Variants in GFOD1 observed in about 807,000 individuals in gnomAD.
GFOD1 encodes Gfo/Idh/MocA-like oxidoreductase domain containing 1.
Under a neutral mutation model 25.4 loss-of-function variants are expected in GFOD1, and 9 were observed. The ratio of observed to expected loss-of-function variants is 0.35; its 90% CI spans 0.21 to 0.62. GFOD1 has a LOEUF of 0.62. GFOD1 is among the 20% of genes least tolerant of loss of function. The probability of loss-of-function intolerance (pLI) is 0.72; values close to 1 mark genes in which losing one functional copy is unlikely to be tolerated. For missense variants in GFOD1, 403 were observed against 556.9 expected, an observed-to-expected ratio of 0.72 and a Z score of 2.78; for synonymous variants, 253 against 245.6, an observed-to-expected ratio of 1.03 and a Z score of -0.28.
chr6:13,360,965 C>T lies in GFOD1; in HGVS notation c.*3778G>A, dbSNP rs1400675270. The T allele has an allele frequency of 2.4e-6, 1 of 414,162 alleles. No individual in the cohort carries two copies. The highest frequency in any genetic ancestry group is 2.0e-5 in the African/African-American group (1 of 49,040). The allele number at this position is 414,162 out of a possible 1,614,324, so 25.7% of individuals were successfully genotyped here. A position where few individuals can be genotyped will look rare whatever the true frequency, so the allele number is the denominator to read the frequency against. ...ACAGTTGTGTGACTTTGAACAAGTT[C>T]CTCTTCCTCTTACTGCCTCCATTTT... is the stretch of plus-strand genomic sequence containing the variant. On this transcript the variant is annotated 3_prime_UTR_variant, in exon 2 of 2. Transcript: ENST00000379287.
intron 1 of GFOD1, among the ~76,000 whole-genome samples, chr6:13,475,244 A>G (rs1758591208): frequency 6.6e-6 from 1 of 152,180 alleles, no homozygotes; most frequent in South Asian, 2.1e-4. Context: ...TCCTAACAAG[A>G]TACTTCTACA....
In GFOD1 at chr6:13,365,927, C is replaced by A. The variant is rs1361110950; in HGVS notation, c.254-265G>T. ...TAATAATAATAATAATAATAATGAG[C>A]CGGGCGTGGTGGTGCACGCCTGTGG... On this transcript the variant is annotated intron_variant, in intron 1 of 1. Coordinates refer to ENST00000379287, the MANE Select transcript of GFOD1 (RefSeq NM_018988.4). The surrounding 1 kb of genome is among the most constrained non-coding windows in gnomAD (Gnocchi z 9.2). 6.9e-6 allele frequency among the ~76,000 whole-genome samples: 1 copy of A among 143,990 alleles called. No individual in the cohort carries two copies. The highest frequency in any genetic ancestry group is 2.6e-5 in the African/African-American group (1 of 38,822). 94.5% of individuals were successfully genotyped at this position (143,990 alleles called of 152,430 possible). A position where few individuals can be genotyped will look rare whatever the true frequency, so the allele number is the denominator to read the frequency against.
chr6:13,423,938 A>G (rs1786307396), intron 1 of GFOD1, among the ~76,000 whole-genome samples: 1 of 152,118 alleles, frequency 6.6e-6, no homozygotes, highest in Non-Finnish European at 1.5e-5. Context: ...GGCTCACCAC[A>G]ACCTCTGCCT....
chr6:13,466,936 A>G (rs964868722), intron 1 of GFOD1, among the ~76,000 whole-genome samples: 2 of 150,858 alleles, frequency 1.3e-5, no homozygotes, highest in African/African-American at 4.8e-5. Flanking sequence ...ACACATACAC[A>G]TATGCACACA....
At chr6:13,485,345 A>G (rs1229935919) in intron 1 of GFOD1, among the ~76,000 whole-genome samples, 1 of 152,238 alleles carries the variant, frequency 6.6e-6, no homozygotes, top group Middle Eastern at 3.2e-3. Context: ...AACAAATAAA[A>G]CAGTCTTTCC....
At chr6:13,484,851 T>C (rs2115063) in intron 1 of GFOD1, among the ~76,000 whole-genome samples, 92,782 of 152,168 alleles carry the variant, frequency 0.61, 32,372 homozygotes, top group South Asian at 0.75. Flanking sequence ...GCCATCTTTA[T>C]GGTGGAGAAA....
In GFOD1 at chr6:13,487,125, C is replaced by T; in HGVS notation, c.-235G>A. 1 of 486,444 alleles carries T rather than the reference C, an allele frequency of 2.1e-6. No individual in the cohort carries two copies. The highest frequency in any genetic ancestry group is 3.6e-6 in the Non-Finnish European group (1 of 281,224). 30.1% of individuals were successfully genotyped at this position (486,444 alleles called of 1,614,324 possible). A position where few individuals can be genotyped will look rare whatever the true frequency, so the allele number is the denominator to read the frequency against. On this transcript the variant is annotated 5_prime_UTR_variant, in exon 1 of 2. Transcript: ENST00000379287. The surrounding 1 kb of genome is among the most constrained non-coding windows in gnomAD (Gnocchi z 4.9). ...GGCAGTGTCCGCCACGCGGGGCTCGCGTCCTTCCCGGAGTCGGCGGCAGGG... is the reference window on the plus strand; with the variant it reads ...GGCAGTGTCCGCCACGCGGGGCTCGTGTCCTTCCCGGAGTCGGCGGCAGGG...
At chr6:13,455,202 G>T (rs1448623835) in intron 1 of GFOD1, among the ~76,000 whole-genome samples, 2 of 152,134 alleles carry the variant, frequency 1.3e-5, no homozygotes, top group African/African-American at 4.8e-5. Flanking sequence ...CTGGCAGTGA[G>T]CAATACACCC....
rs952321447 is a variant in GFOD1, at chr6:13,487,023, G to A, written c.-133C>T. 13 of 1,144,598 alleles carry A rather than the reference G, an allele frequency of 1.1e-5. No individual in the cohort carries two copies. The highest frequency in any genetic ancestry group is 1.6e-5 in the Non-Finnish European group (13 of 828,004). 70.9% of individuals were successfully genotyped at this position (1,144,598 alleles called of 1,614,324 possible). A position where few individuals can be genotyped will look rare whatever the true frequency, so the allele number is the denominator to read the frequency against. On this transcript the variant is annotated 5_prime_UTR_variant, in exon 1 of 2. Coordinates refer to ENST00000379287, the MANE Select transcript of GFOD1 (RefSeq NM_018988.4). The surrounding 1 kb of genome is among the most constrained non-coding windows in gnomAD (Gnocchi z 4.9). ...CGCGGTGCGCCAGCCGCCGTGCACC[G>A]GGCAAGGCGCCCGGGTGCCCAGAGC...
intron 1 of GFOD1, among the ~76,000 whole-genome samples, chr6:13,388,840 GA>G: frequency 6.6e-6 from 1 of 151,966 alleles, no homozygotes; most frequent in South Asian, 2.1e-4. Context: ...TACAGAATGG[GA>G]AAAAATTTTT....
intron 1 of GFOD1, among the ~76,000 whole-genome samples, chr6:13,439,853 A>G (rs1584652815): frequency 6.6e-6 from 1 of 152,202 alleles, no homozygotes; most frequent in East Asian, 1.9e-4. Context: ...ATTCACCCCT[A>G]GAGACTGTTA....
intron 1 of GFOD1, among the ~76,000 whole-genome samples, chr6:13,392,141 C>T (rs974109672): frequency 7.2e-5 from 11 of 151,872 alleles, no homozygotes; most frequent in Admixed American, 2.0e-4. Context: ...GTGGACAGAT[C>T]CCTTGGCCCA....
At chr6:13,458,947 C>A (rs1318126629) in intron 1 of GFOD1, among the ~76,000 whole-genome samples, 1 of 152,004 alleles carries the variant, frequency 6.6e-6, no homozygotes, top group Non-Finnish European at 1.5e-5. Flanking sequence ...AAGGCACATG[C>A]AGAAAGGATC....
chr6:13,380,518 A>T lies in GFOD1; in HGVS notation c.254-14856T>A, dbSNP rs188512547. Among the ~76,000 whole-genome samples, 44 of 152,294 alleles carry T rather than the reference A, an allele frequency of 2.9e-4. No homozygotes were observed. In the East Asian group the frequency reaches 7.9e-3, roughly 27 times the overall value. The stretch of plus-strand genomic sequence containing the variant: ...GATGGGGTGCTGGCGGGAGCAGCTT[A>T]GCGAATGTCAAGTTCAATTTATGAC... On this transcript the variant is annotated intron_variant, in intron 1 of 1. Coordinates refer to ENST00000379287, the MANE Select transcript of GFOD1 (RefSeq NM_018988.4).
intron 1 of GFOD1, among the ~76,000 whole-genome samples, chr6:13,421,485 C>A (rs1417099931): frequency 6.6e-6 from 1 of 152,008 alleles, no homozygotes; most frequent in Non-Finnish European, 1.5e-5. Context: ...CAAAGTGAGA[C>A]CCTGTCTCAA....
intron 1 of GFOD1, among the ~76,000 whole-genome samples, chr6:13,386,764 C>G (rs1248491069): frequency 6.6e-6 from 1 of 152,160 alleles, no homozygotes; most frequent in African/African-American, 2.4e-5. Context: ...ACTCAGCCAC[C>G]ATCTGTGTGG....
chr6:13,421,265 A>T (rs752380806), intron 1 of GFOD1, among the ~76,000 whole-genome samples: 2 of 152,170 alleles, frequency 1.3e-5, no homozygotes, highest in African/African-American at 2.4e-5. Context: ...AGGCAGCCAG[A>T]TCGCTTGAGC....
chr6:13,432,021 G>A (rs2127570344), intron 1 of GFOD1, among the ~76,000 whole-genome samples: 1 of 152,228 alleles, frequency 6.6e-6, no homozygotes, highest in Middle Eastern at 3.4e-3. Flanking sequence ...GCTCAGGGAG[G>A]AGAGGGTTCT....
At position 13,363,031 on chromosome 6, in the gene GFOD1, G is replaced by T. The variant is rs1438370314; in HGVS notation, c.*1712C>A. 6.6e-6 allele frequency: 1 copy of T among 152,234 alleles called. No homozygotes were observed. The highest frequency in any genetic ancestry group is 1.5e-5 in the Non-Finnish European group (1 of 68,042). 9.4% of individuals were successfully genotyped at this position (152,234 alleles called of 1,614,324 possible). ...AACAAAAGCTACGTAGACTTATGAG[G>T]AATGGCTTCCACGTCCACACTTGAC... On this transcript the variant is annotated 3_prime_UTR_variant, in exon 2 of 2. Coordinates refer to ENST00000379287, the MANE Select transcript of GFOD1 (RefSeq NM_018988.4).
Sources: gnomAD v4.1 joint callset for allele counts (sites outside exome capture counted in the v4.1 genomes callset) on GRCh38, gnomAD v4.1.1 for gene constraint, Gnocchi (gnomAD v3.1) non-coding constraint, MANE v1.5 for transcripts, NCBI Gene and HGNC (gene_info 2026-07-23, HGNC 2026-07-21) for gene names.